RBM47: variants seen among roughly 807,000 people sequenced by gnomAD.
The protein encoded by RBM47 is RNA-binding protein 47.
RBM47 carries 21 observed loss-of-function variants against 47.1 expected under a neutral mutation model. The observed-to-expected ratio is 0.45, with a 90% CI of 0.32 to 0.64. RBM47 has a LOEUF of 0.64. Among genes scored for constraint, RBM47 ranks in the 30% least tolerant of loss-of-function variants. The pLI is 0.05. For missense variants in RBM47, 708 were observed against 870.9 expected, an observed-to-expected ratio of 0.81 and a Z score of 2.35; for synonymous variants, 375 against 361.7, an observed-to-expected ratio of 1.04 and a Z score of -0.42.
intron 2 of RBM47, among the ~76,000 whole-genome samples, chr4:40,524,685 C>G (rs1048260666): frequency 2.6e-5 from 4 of 152,134 alleles, no homozygotes; most frequent in African/African-American, 9.7e-5. Context: ...GCACAGACAC[C>G]GCTCAGCTCA....
chr4:40,550,281 G>T (rs1729438128), intron 1 of RBM47, among the ~76,000 whole-genome samples: 1 of 152,186 alleles, frequency 6.6e-6, no homozygotes, highest in Non-Finnish European at 1.5e-5. Flanking sequence ...GGGATGTGGG[G>T]CCTTCGAGGG....
intron 3 of RBM47, among the ~76,000 whole-genome samples, chr4:40,447,527 T>A (rs1008568768): frequency 6.6e-6 from 1 of 152,204 alleles, no homozygotes; most frequent in East Asian, 1.9e-4. Context: ...ATATTATCAA[T>A]GTTTACATAC....
intron 1 of RBM47, among the ~76,000 whole-genome samples, chr4:40,558,080 C>T (rs1730267066): frequency 6.6e-6 from 1 of 152,120 alleles, no homozygotes; most frequent in African/African-American, 2.4e-5. Context: ...TGCACCTAAT[C>T]TTTTTACACT....
chr4:40,545,821 T>C (rs923846696), intron 1 of RBM47, among the ~76,000 whole-genome samples: 6 of 152,104 alleles, frequency 3.9e-5, no homozygotes, highest in African/African-American at 1.4e-4. Flanking sequence ...AGCTGGTTGA[T>C]CTTGGGCATT....
At chr4:40,538,331 T>G (rs1030850017) in intron 2 of RBM47, among the ~76,000 whole-genome samples, 1 of 148,618 alleles carries the variant, frequency 6.7e-6, no homozygotes, top group African/African-American at 2.5e-5. Flanking sequence ...TGGTATTGTT[T>G]TTTTTTTTTT....
At chr4:40,483,299 T>G (rs1028037965) in intron 2 of RBM47, among the ~76,000 whole-genome samples, 9 of 152,214 alleles carry the variant, frequency 5.9e-5, no homozygotes, top group Non-Finnish European at 1.3e-4. Flanking sequence ...ACAATGGCTA[T>G]TGATCCTACT....
chr4:40,571,471 T>C (rs534937156), intron 1 of RBM47, among the ~76,000 whole-genome samples: 1 of 152,068 alleles, frequency 6.6e-6, no homozygotes, highest in South Asian at 2.1e-4. Context: ...AAATCAAATA[T>C]TGAAATGTGA....
intron 2 of RBM47, among the ~76,000 whole-genome samples, chr4:40,480,643 G>A (rs1423283527): frequency 6.6e-6 from 1 of 152,132 alleles, no homozygotes; most frequent in Non-Finnish European, 1.5e-5. Context: ...AATCTAAAGA[G>A]AATTCTCTTT....
chr4:40,432,020 TA>T (rs907448252), intron 6 of RBM47, among the ~76,000 whole-genome samples: 4 of 150,208 alleles, frequency 2.7e-5, no homozygotes, highest in Non-Finnish European at 3.0e-5. Context: ...CAGGCTAATT[TA>T]AAAAAAAAAA....
chr4:40,488,296 C>T (rs913853044), intron 2 of RBM47, among the ~76,000 whole-genome samples: 1 of 129,878 alleles, frequency 7.7e-6, no homozygotes, highest in Non-Finnish European at 1.5e-5. Context: ...TACAACTGCA[C>T]TCCAGCCTAG....
intron 1 of RBM47, among the ~76,000 whole-genome samples, chr4:40,599,612 A>C (rs1182325074): frequency 6.6e-6 from 1 of 152,120 alleles, no homozygotes; most frequent in Admixed American, 6.6e-5. Flanking sequence ...GAAATGTAAG[A>C]AGTCCAACCA....
At chr4:40,568,223 C>T (rs116260051) in intron 1 of RBM47, among the ~76,000 whole-genome samples, 2 of 151,376 alleles carry the variant, frequency 1.3e-5, no homozygotes, top group South Asian at 4.2e-4. Context: ...CTCAGAAGTT[C>T]GAGACCAGCC....
intron 2 of RBM47, among the ~76,000 whole-genome samples, chr4:40,532,611 T>C (rs1727514493): frequency 6.6e-6 from 1 of 151,782 alleles, no homozygotes; most frequent in African/African-American, 2.4e-5. Flanking sequence ...ATGCCTGGCC[T>C]TTTTAAAAAA....
chr4:40,555,793 A>T (rs1038418680), intron 1 of RBM47, among the ~76,000 whole-genome samples: 2 of 152,188 alleles, frequency 1.3e-5, no homozygotes, highest in African/African-American at 2.4e-5. Flanking sequence ...GGGTCCCAGA[A>T]ATAGAATTCG....
At chr4:40,503,656 G>T (rs1361458762) in intron 2 of RBM47, among the ~76,000 whole-genome samples, 1 of 152,116 alleles carries the variant, frequency 6.6e-6, no homozygotes, top group African/African-American at 2.4e-5. Flanking sequence ...GAAATAATAT[G>T]TATTATATGC....
chr4:40,445,273 CAAAAAAAAA>C (rs35418476), intron 3 of RBM47, among the ~76,000 whole-genome samples: 1 of 106,622 alleles, frequency 9.4e-6, no homozygotes, highest in Admixed American at 9.6e-5. Flanking sequence ...GACTCCGTCT[CAAAAAAAAA>C]AAAAAAAAAA....
At chr4:40,550,971 A>G (rs1729508731) in intron 1 of RBM47, among the ~76,000 whole-genome samples, 1 of 151,454 alleles carries the variant, frequency 6.6e-6, no homozygotes, top group South Asian at 2.1e-4. Flanking sequence ...TCCCCCTCTC[A>G]TTATCCTGTA....
intron 1 of RBM47, among the ~76,000 whole-genome samples, chr4:40,614,192 A>G (rs1268530914): frequency 1.3e-5 from 2 of 152,132 alleles, no homozygotes; most frequent in Non-Finnish European, 2.9e-5. Context: ...CTAACCCAGC[A>G]TTATTTCCTT....
At chr4:40,577,044 G>A (rs750264665) in intron 1 of RBM47, among the ~76,000 whole-genome samples, 10 of 152,150 alleles carry the variant, frequency 6.6e-5, no homozygotes, top group South Asian at 2.1e-4. Context: ...CAAATAAAGC[G>A]TCCCTGGCAG....
Sources: allele counts gnomAD v4.1 joint callset (sites outside exome capture counted in the v4.1 genomes callset), GRCh38; gene constraint gnomAD v4.1.1; transcripts MANE v1.5; gene names NCBI Gene and HGNC (gene_info 2026-07-23, HGNC 2026-07-21).